CAVIN2: variants seen among roughly 807,000 people sequenced by gnomAD.
CAVIN2 encodes caveolae-associated protein 2.
In CAVIN2, 13 loss-of-function variants were observed where a neutral mutation model predicts 11.7. The observed-to-expected ratio is 1.11, with a 90% CI of 0.72 to 1.77. The LOEUF (loss-of-function observed/expected upper bound fraction) is 1.77, where lower values mean the gene tolerates loss of function less well. Among genes scored for constraint, CAVIN2 ranks in the 40% most tolerant of loss-of-function variants. The pLI is 0.00. For missense variants in CAVIN2, 549 were observed against 542.9 expected (o/e 1.01, Z -0.11); for synonymous variants, 237 against 223.2 (o/e 1.06, Z -0.55).
chr2:191,842,401 TC>T (rs1441822758), intron 1 of CAVIN2, among the ~76,000 whole-genome samples: 1 of 152,224 alleles, frequency 6.6e-6, no homozygotes. Context: ...GGCTACTGCA[TC>T]CTCAGGGCCA....
intron 1 of CAVIN2, among the ~76,000 whole-genome samples, chr2:191,836,952 A>T (rs1318235620): frequency 6.6e-6 from 1 of 152,182 alleles, no homozygotes; most frequent in African/African-American, 2.4e-5. Context: ...ACCGGCAGAA[A>T]CTGTATCAGT....
At chr2:191,846,109 T>A (rs999678730) in intron 1 of CAVIN2, among the ~76,000 whole-genome samples, 5 of 152,212 alleles carry the variant, frequency 3.3e-5, no homozygotes, top group African/African-American at 1.2e-4. Flanking sequence ...AAGCTCCTAA[T>A]GCAAAGAGAC....
At chr2:191,839,940 T>C (rs1228535315) in intron 1 of CAVIN2, among the ~76,000 whole-genome samples, 4 of 152,216 alleles carry the variant, frequency 2.6e-5, no homozygotes, top group Non-Finnish European at 5.9e-5. Flanking sequence ...TTCTGTTCTA[T>C]AGTAAAACAT....
chr2:191,838,596 AAAAT>A (rs1290191698), intron 1 of CAVIN2, among the ~76,000 whole-genome samples: 2 of 152,220 alleles, frequency 1.3e-5, no homozygotes, highest in Non-Finnish European at 2.9e-5. Context: ...ACAAAGTAAA[AAAAT>A]AAATAAAAGG....
rs1422721874 is a variant in CAVIN2 at position 191,835,547 on chromosome 2, C to A, written c.*376G>T. The A allele has an allele frequency of 4.9e-6, 1 of 203,260 alleles. No individual in the cohort carries two copies. The highest frequency in any genetic ancestry group is 1.2e-4 in the South Asian group (1 of 8,306). 12.6% of individuals were successfully genotyped at this position (203,260 alleles called of 1,614,324 possible). ...GTACGGTGGAAATACAATATATTAC[C>A]GGTACACTATTCAGCAAGCTTATGG... On this transcript the variant is annotated 3_prime_UTR_variant, in exon 2 of 2. Transcript: ENST00000304141.
intron 1 of CAVIN2, among the ~76,000 whole-genome samples, chr2:191,838,509 A>G (rs982545307): frequency 1.3e-5 from 2 of 152,204 alleles, no homozygotes; most frequent in Admixed American, 1.3e-4. Flanking sequence ...ACGATATCAT[A>G]TATTGTGTTT....
At position 191,847,063 on chromosome 2, in the gene CAVIN2, A is replaced by G. The variant is rs1690180275; in HGVS notation, c.-138T>C. On this transcript the variant is annotated 5_prime_UTR_variant, in exon 1 of 2. Transcript: ENST00000304141. ...GTCTCCAGGACTGGCAGAGGTTCAG[A>G]CAGGCAACAACTGGCTACGCTGATC... is the stretch of plus-strand genomic sequence containing the variant. 9.2e-7 allele frequency: 1 copy of G among 1,087,438 alleles called. No homozygotes were observed. Among genetic ancestry groups the G allele is most frequent in the Admixed American group, 2.7e-5 (1 of 36,922 alleles). The allele number at this position is 1,087,438 out of a possible 1,614,324, so 67.4% of individuals were successfully genotyped here.
Position 191,846,808 on chromosome 2 carries a change from G to C in CAVIN2, c.118C>G (p.Leu40Val). ...PSSTPSPSLN[L>V]GNTEEAIRDN... ...CGGATGGCCTCCTCTGTGTTCCCTA[G>C]GTTCAGGCTGGGGCTTGGTGTGGAG... Residue 40 changes from leucine (L) to valine (V), a missense_variant, in exon 1 of 2, where the codon CTA becomes GTA. Coordinates refer to ENST00000304141, the MANE Select transcript of CAVIN2 (RefSeq NM_004657.6). 6.2e-7 allele frequency: 1 copy of C among 1,614,200 alleles called. No homozygotes were observed. Among genetic ancestry groups the C allele is most frequent in the Non-Finnish European group, 8.5e-7 (1 of 1,180,042 alleles).
rs1690004929 is a variant in CAVIN2 at position 191,835,871 on chromosome 2, A to T, written c.*52T>A. ...GGAGATGTGCAAGAGTTTGTTCTTC[A>T]GCCCTGGCTGCCCGCTTGAGCACAG... is the stretch of plus-strand genomic sequence containing the variant. On this transcript the variant is annotated 3_prime_UTR_variant, in exon 2 of 2. Transcript: ENST00000304141. The T allele has an allele frequency of 6.5e-7, 1 of 1,544,996 alleles. No individual in the cohort carries two copies. The highest frequency in any genetic ancestry group is 8.7e-7 in the Non-Finnish European group (1 of 1,145,324).
intron 1 of CAVIN2, among the ~76,000 whole-genome samples, chr2:191,839,865 C>T (rs182959191): frequency 6.6e-6 from 1 of 152,318 alleles, no homozygotes; most frequent in Admixed American, 6.5e-5. Context: ...TGTCCAAGCA[C>T]ATGTAGCTCT....
At chr2:191,837,149 AAGAT>A (rs1169286922) in intron 1 of CAVIN2, among the ~76,000 whole-genome samples, 1 of 152,200 alleles carries the variant, frequency 6.6e-6, no homozygotes, top group Admixed American at 6.5e-5. Context: ...TGGCAGATAA[AAGAT>A]AGGGCAAGGG....
In CAVIN2 at chr2:191,836,355, T is replaced by C; in HGVS notation, c.846A>G (p.Ile282Met). 1 of 1,614,156 alleles carries C rather than the reference T, an allele frequency of 6.2e-7. No individual in the cohort carries two copies. Among genetic ancestry groups the C allele is most frequent in the Non-Finnish European group, 8.5e-7 (1 of 1,180,026 alleles). ...KKSLTSNHQK[I>M]SSGKSSPFKV... Reference sequence around the variant, plus strand: ...TGAAGGGGGAGCTTTTTCCTGAGGATATTTTCTGGTGATTTGACGTGAGAG... The same window carrying C: ...TGAAGGGGGAGCTTTTTCCTGAGGACATTTTCTGGTGATTTGACGTGAGAG... The change falls in exon 2 of 2, where the codon ATA becomes ATG. Residue 282 changes from isoleucine to methionine, a missense_variant. By Grantham distance (10) the Ile-to-Met change is conservative. Coordinates refer to ENST00000304141, the MANE Select transcript of CAVIN2 (RefSeq NM_004657.6).
At chr2:191,841,098 G>C (rs1690086032) in intron 1 of CAVIN2, among the ~76,000 whole-genome samples, 1 of 152,106 alleles carries the variant, frequency 6.6e-6, no homozygotes. Flanking sequence ...TACAGTCATT[G>C]ATTAGAACTG....
chr2:191,836,291 C>T lies in CAVIN2; in HGVS notation c.910G>A (p.Glu304Lys), dbSNP rs1402447885. The T allele has an allele frequency of 1.9e-6, 3 of 1,614,036 alleles. No homozygotes were observed. Among genetic ancestry groups the T allele is most frequent in the South Asian group, 1.1e-5 (1 of 91,076 alleles). Residue 304 changes from glutamate to lysine, a missense_variant, in exon 2 of 2, where the codon GAG becomes AAG. Glu to Lys is a moderately conservative substitution (Grantham distance 56, BLOSUM62 1). Coordinates refer to ENST00000304141, the MANE Select transcript of CAVIN2 (RefSeq NM_004657.6). ...TCATTTTCTGCATGGCTTTCTCCCT[C>T]TCGGACTTTCTTCCGCCCGAAAGTG... ...PLTFGRKKVREGESHAENETK... is the reference protein window; with the variant it reads ...PLTFGRKKVRKGESHAENETK...
chr2:191,846,842 C>G lies in CAVIN2; in HGVS notation c.84G>C (p.Pro28=), dbSNP rs747256446. The change falls in exon 1 of 2, where the codon CCG becomes CCC. Residue 28 remains proline (P), a synonymous_variant. Transcript: ENST00000304141. ...TGGGGCTTGGTGTGGAGGAAGGCAT[C>G]GGGCTGGGGCTCGAGGGCTTTTCCT... is the stretch of plus-strand genomic sequence containing the variant. The part of the protein sequence containing the change: ...MRQEKPSSPS[P]MPSSTPSPSL... The G allele has an allele frequency of 6.2e-7, 1 of 1,614,162 alleles. No homozygotes were observed. Among genetic ancestry groups the G allele is most frequent in the Non-Finnish European group, 8.5e-7 (1 of 1,180,032 alleles).
Position 191,836,406 on chromosome 2 carries a change from T to C in CAVIN2, c.795A>G (p.Val265=), listed in dbSNP as rs759294714. The change falls in exon 2 of 2, where the codon GTA becomes GTG. Residue 265 remains valine, a synonymous_variant. Coordinates refer to ENST00000304141, the MANE Select transcript of CAVIN2 (RefSeq NM_004657.6). ...ATTTCTTAATCTTCTCTCTCCTCTC[T>C]ACAGATACGATCTTTGTCCCCAGCT... ...MNKLGTKIVS[V]ERREKIKKSL... The C allele has an allele frequency of 1.2e-6, 2 of 1,614,236 alleles. No homozygotes were observed. The highest frequency in any genetic ancestry group is 1.7e-6 in the Non-Finnish European group (2 of 1,180,050).
intron 1 of CAVIN2, 140 bp downstream of exon 1, chr2:191,846,303 C>T (rs1690164137): frequency 2.8e-6 from 3 of 1,062,086 alleles, no homozygotes; most frequent in African/African-American, 1.6e-5. Context: ...TTTCCGCAGG[C>T]AGACAGGGGA....
intron 1 of CAVIN2, among the ~76,000 whole-genome samples, chr2:191,844,181 A>G (rs1388902617): frequency 6.6e-6 from 1 of 152,226 alleles, no homozygotes; most frequent in Non-Finnish European, 1.5e-5. Context: ...TGGTAGAACT[A>G]GGATTTGAAC....
rs940152830 is a variant in CAVIN2, at chr2:191,834,622, C to A, written c.*1301G>T. The A allele has an allele frequency of 1.3e-5, 2 of 151,990 alleles. No homozygotes were observed. Among genetic ancestry groups the A allele is most frequent in the African/African-American group, 4.8e-5 (2 of 41,366 alleles). 9.4% of individuals were successfully genotyped at this position (151,990 alleles called of 1,614,324 possible). On this transcript the variant is annotated 3_prime_UTR_variant, in exon 2 of 2. Coordinates refer to ENST00000304141, the MANE Select transcript of CAVIN2 (RefSeq NM_004657.6). ...ATTTTGTAATTAAAAACAGATAAAG[C>A]AATATTTTAGTACAATGTTAGGCAG...
Sources: allele counts gnomAD v4.1 joint callset (sites outside exome capture counted in the v4.1 genomes callset), GRCh38; gene constraint gnomAD v4.1.1; transcripts MANE v1.5; gene names NCBI Gene and HGNC (gene_info 2026-07-23, HGNC 2026-07-21).